Variants in TPST1 observed in about 807,000 individuals in gnomAD.
TPST1 encodes tyrosylprotein sulfotransferase 1, also known as protein-tyrosine sulfotransferase 1.
A neutral mutation model predicts 34.8 loss-of-function variants in TPST1; 20 were observed. That is an observed-to-expected ratio of 0.57 (90% CI 0.40 to 0.84). The LOEUF (loss-of-function observed/expected upper bound fraction) is 0.84, where lower values mean the gene tolerates loss of function less well. TPST1 is among the 40% of genes least tolerant of loss of function. TPST1 has a pLI of 0.00. For synonymous variants in TPST1, 152 were observed against 159.4 expected, an observed-to-expected ratio of 0.95 and a Z score of 0.35; for missense variants, 353 against 455.5, an observed-to-expected ratio of 0.78 and a Z score of 2.05.
intron 2 of TPST1, among the ~76,000 whole-genome samples, chr7:66,249,560 C>T (rs1411024223): frequency 6.6e-6 from 1 of 152,168 alleles, no homozygotes; most frequent in Non-Finnish European, 1.5e-5. Context: ...ATTTCTGATT[C>T]AGGAGGTCTG....
At chr7:66,326,346 G>A (rs1460210722) in intron 3 of TPST1, among the ~76,000 whole-genome samples, 2 of 152,110 alleles carry the variant, frequency 1.3e-5, no homozygotes, top group Non-Finnish European at 2.9e-5. Flanking sequence ...GCTCAGAGAT[G>A]GCGCTACTGT....
At chr7:66,270,340 C>T (rs1562822990) in intron 2 of TPST1, among the ~76,000 whole-genome samples, 1 of 152,296 alleles carries the variant, frequency 6.6e-6, no homozygotes, top group South Asian at 2.1e-4. Context: ...AAGGCAAACA[C>T]TCTTATAACT....
chr7:66,335,398 T>C (rs915876123), intron 3 of TPST1, among the ~76,000 whole-genome samples: 1 of 150,490 alleles, frequency 6.6e-6, no homozygotes, highest in Admixed American at 6.6e-5. Context: ...GAGGTTACAG[T>C]GAGCCAAGAT....
At chr7:66,227,504 C>T (rs533099745) in intron 1 of TPST1, among the ~76,000 whole-genome samples, 132 of 152,014 alleles carry the variant, frequency 8.7e-4, no homozygotes, top group African/African-American at 3.0e-3. Flanking sequence ...CTCACTGCAG[C>T]GTCGACCTCC....
intron 3 of TPST1, among the ~76,000 whole-genome samples, chr7:66,299,039 T>C (rs1378108830): frequency 1.3e-5 from 2 of 151,194 alleles, no homozygotes; most frequent in Admixed American, 1.3e-4. Context: ...GGCAGGAGAA[T>C]GGCATGAACC....
chr7:66,300,815 G>A (rs1167392517), intron 3 of TPST1, among the ~76,000 whole-genome samples: 10 of 152,072 alleles, frequency 6.6e-5, no homozygotes, highest in African/African-American at 1.7e-4. Flanking sequence ...GTGTGGTGGC[G>A]CATGTGTGTA....
intron 3 of TPST1, among the ~76,000 whole-genome samples, chr7:66,298,660 C>G (rs542156179): frequency 1.3e-5 from 2 of 152,240 alleles, no homozygotes; most frequent in African/African-American, 2.4e-5. Flanking sequence ...TTTGGATCAT[C>G]TATTTTTGTT....
chr7:66,234,818 A>G (rs1337544501), intron 1 of TPST1, among the ~76,000 whole-genome samples: 1 of 151,458 alleles, frequency 6.6e-6, no homozygotes, highest in African/African-American at 2.4e-5. Flanking sequence ...CTGGGACTAC[A>G]GGTGCCCGCC....
intron 1 of TPST1, among the ~76,000 whole-genome samples, chr7:66,237,150 A>G (rs1562808255): frequency 2.6e-5 from 4 of 152,142 alleles, no homozygotes; most frequent in Non-Finnish European, 5.9e-5. Flanking sequence ...CACCTGCTCC[A>G]TCACTTACTC....
intron 2 of TPST1, among the ~76,000 whole-genome samples, chr7:66,256,203 T>C (rs1046997027): frequency 1.3e-5 from 2 of 152,246 alleles, no homozygotes; most frequent in Admixed American, 6.5e-5. Flanking sequence ...TATTGGTATA[T>C]GCTGTTAGTT....
intron 3 of TPST1, among the ~76,000 whole-genome samples, chr7:66,338,325 A>G (rs1261464975): frequency 6.6e-6 from 1 of 152,210 alleles, no homozygotes; most frequent in Non-Finnish European, 1.5e-5. Flanking sequence ...AGAGCACCCA[A>G]ATATATAAAG....
intron 4 of TPST1, among the ~76,000 whole-genome samples, chr7:66,356,589 C>T (rs1359876594): frequency 1.3e-5 from 2 of 152,136 alleles, no homozygotes; most frequent in Non-Finnish European, 1.5e-5. Context: ...GATCCAAGGG[C>T]ATCAGAAATA....
chr7:66,256,128 A>G (rs1423294463), intron 2 of TPST1, among the ~76,000 whole-genome samples: 1 of 152,216 alleles, frequency 6.6e-6, no homozygotes, highest in East Asian at 1.9e-4. Flanking sequence ...ATTTTTTCCC[A>G]GAACAGAGTT....
At chr7:66,306,951 G>A (rs1392645216) in intron 3 of TPST1, among the ~76,000 whole-genome samples, 1 of 152,130 alleles carries the variant, frequency 6.6e-6, no homozygotes, top group East Asian at 1.9e-4. Flanking sequence ...CTGACCTCAG[G>A]TGTCCCACCC....
At chr7:66,236,329 T>G (rs926373009) in intron 1 of TPST1, among the ~76,000 whole-genome samples, 2 of 152,156 alleles carry the variant, frequency 1.3e-5, no homozygotes, top group Admixed American at 1.3e-4. Context: ...AGCTTGCACT[T>G]AAATCCCTGC....
At chr7:66,274,873 G>A (rs1412674966) in intron 2 of TPST1, among the ~76,000 whole-genome samples, 1 of 152,154 alleles carries the variant, frequency 6.6e-6, no homozygotes, top group African/African-American at 2.4e-5. Context: ...AAACTACAGT[G>A]TACCTCATAC....
intron 3 of TPST1, among the ~76,000 whole-genome samples, chr7:66,328,895 T>C (rs1166643284): frequency 2.3e-4 from 13 of 55,864 alleles, no homozygotes; most frequent in African/African-American, 1.2e-3. Flanking sequence ...TCTATATATA[T>C]ATATATATAT....
At chr7:66,274,589 G>T (rs1320764367) in intron 2 of TPST1, among the ~76,000 whole-genome samples, 1 of 152,118 alleles carries the variant, frequency 6.6e-6, no homozygotes, top group Non-Finnish European at 1.5e-5. Context: ...ATGGTCATAT[G>T]GGATTATGTC....
chr7:66,354,587 G>A (rs1373010135), intron 4 of TPST1, among the ~76,000 whole-genome samples: 5 of 137,400 alleles, frequency 3.6e-5, no homozygotes, highest in African/African-American at 1.3e-4. Flanking sequence ...ATCTGAAGAA[G>A]TCAAGAAAAG....
Sources: allele counts gnomAD v4.1 joint callset (sites outside exome capture counted in the v4.1 genomes callset), GRCh38; gene constraint gnomAD v4.1.1; transcripts MANE v1.5; gene names NCBI Gene and HGNC (gene_info 2026-07-23, HGNC 2026-07-21).